The following DLC1 variants were observed in gnomAD, a reference collection of about 807,000 sequenced individuals.
DLC1 encodes the protein DLC1 Rho GTPase activating protein.
In DLC1, 54 loss-of-function variants were observed where a neutral mutation model predicts 140.3. That is an observed-to-expected ratio of 0.38 (90% CI 0.31 to 0.48). The LOEUF is 0.48. DLC1 is among the 20% of genes least tolerant of loss of function. The probability of loss-of-function intolerance (pLI) is 0.96; values close to 1 mark genes in which losing one functional copy is unlikely to be tolerated. For missense variants in DLC1, 2,536 were observed against 1,907.0 expected, an observed-to-expected ratio of 1.33 and a Z score of -6.14; for synonymous variants, 986 against 728.1, an observed-to-expected ratio of 1.35 and a Z score of -5.70.
rs1051139447 is a variant in DLC1 at position 13,348,005 on chromosome 8, C to T, written c.1315-42703G>A. 2.6e-5 allele frequency among the ~76,000 whole-genome samples: 4 copies of T among 152,072 alleles called. 1 individual carries two copies. Among genetic ancestry groups the T allele is most frequent in the East Asian group, 3.9e-4 (2 of 5,172 alleles). ...TTGGGAGGTGGAGGCAGGAGAATGG[C>T]GTGAACCCGGGAGACATAGCTTGCA... is the stretch of plus-strand genomic sequence containing the variant. On this transcript the variant is annotated intron_variant, in intron 4 of 17. Coordinates refer to ENST00000276297, the MANE Select transcript of DLC1 (RefSeq NM_182643.3).
chr8:13,461,308 A>T (rs1049614565), intron 2 of DLC1, among the ~76,000 whole-genome samples: 1 of 152,208 alleles, frequency 6.6e-6, no homozygotes, highest in Non-Finnish European at 1.5e-5. Flanking sequence ...TCTTATGGAG[A>T]TTTCTCCATT....
intron 1 of DLC1, among the ~76,000 whole-genome samples, chr8:13,521,256 G>T (rs1276415598): frequency 6.6e-6 from 1 of 152,064 alleles, no homozygotes; most frequent in Non-Finnish European, 1.5e-5. Context: ...TGTTGGAGGG[G>T]CTTGGGGAGG....
chr8:13,582,878 C>CTATATATATATATA (rs55681527), intron 1 of DLC1, among the ~76,000 whole-genome samples: 21 of 103,084 alleles, frequency 2.0e-4, no homozygotes, highest in South Asian at 3.1e-4. Flanking sequence ...ATACTGTGGT[C>CTATATATATATATA]TATATATATA....
At chr8:13,555,221 T>C (rs1803999673) in intron 1 of DLC1, among the ~76,000 whole-genome samples, 1 of 152,232 alleles carries the variant, frequency 6.6e-6, no homozygotes, top group South Asian at 2.1e-4. Context: ...GCTGCTTATT[T>C]TTCTACATAT....
chr8:13,094,585 G>C (rs1020265869), intron 12 of DLC1, among the ~76,000 whole-genome samples, 174 bp downstream of exon 12: 1 of 152,084 alleles, frequency 6.6e-6, no homozygotes, highest in African/African-American at 2.4e-5. Context: ...AGAATCGCTT[G>C]AACCTGGGAG....
At chr8:13,594,928 T>G (rs1805634555) in intron 1 of DLC1, among the ~76,000 whole-genome samples, 1 of 152,008 alleles carries the variant, frequency 6.6e-6, no homozygotes, top group South Asian at 2.1e-4. Context: ...AAGTTGATGT[T>G]CAATGTGACT....
At chr8:13,579,241 G>GGA (rs1804954290) in intron 1 of DLC1, among the ~76,000 whole-genome samples, 1 of 8,300 alleles carries the variant, frequency 1.2e-4, no homozygotes, top group Admixed American at 2.0e-3. Context: ...TGAGGAACAG[G>GGA]GAGCATATAT....
At chr8:13,200,252 C>T (rs997704010) in intron 5 of DLC1, among the ~76,000 whole-genome samples, 21 of 151,708 alleles carry the variant, frequency 1.4e-4, no homozygotes, top group African/African-American at 3.9e-4. Flanking sequence ...TTAGTAGAGG[C>T]GGGGTTTCAC....
intron 7 of DLC1, among the ~76,000 whole-genome samples, chr8:13,105,486 G>A (rs1327608286): frequency 6.6e-6 from 1 of 152,086 alleles, no homozygotes; most frequent in African/African-American, 2.4e-5. Context: ...AGATTTTACA[G>A]ATGAGGAAAT....
intron 1 of DLC1, among the ~76,000 whole-genome samples, chr8:13,585,602 G>A (rs1236768483): frequency 6.6e-6 from 1 of 152,150 alleles, no homozygotes; most frequent in Non-Finnish European, 1.5e-5. Context: ...TCCGAAGGCT[G>A]GAAGTCCGAA....
chr8:13,294,472 A>G (rs1279645939), intron 5 of DLC1, among the ~76,000 whole-genome samples: 1 of 152,196 alleles, frequency 6.6e-6, no homozygotes, highest in African/African-American at 2.4e-5. Flanking sequence ...AGCAGGAGTT[A>G]TCATAGAAGA....
intron 1 of DLC1, among the ~76,000 whole-genome samples, chr8:13,579,863 A>T (rs36117009): frequency 0.22 from 33,807 of 151,376 alleles, 4,028 homozygotes; most frequent in Non-Finnish European, 0.25. Flanking sequence ...CCCATATATT[A>T]CATGTTGTAT....
intron 15 of DLC1, among the ~76,000 whole-genome samples, chr8:13,089,359 G>T (rs756450531): frequency 1.4e-4 from 22 of 151,898 alleles, no homozygotes; most frequent in Admixed American, 1.0e-3. Context: ...AGGGCATGGT[G>T]GCTCACGCCT....
At chr8:13,581,297 CAG>C in intron 1 of DLC1, among the ~76,000 whole-genome samples, 1 of 152,262 alleles carries the variant, frequency 6.6e-6, no homozygotes, top group African/African-American at 2.4e-5. Context: ...TGACATCATT[CAG>C]AGGAAAAAAC....
chr8:13,147,764 C>T (rs1051652374), intron 5 of DLC1, among the ~76,000 whole-genome samples: 14 of 152,104 alleles, frequency 9.2e-5, no homozygotes, highest in South Asian at 8.3e-4. Context: ...CCTAGGCGGG[C>T]GGATCATGAG....
chr8:13,238,554 C>A (rs545776069), intron 5 of DLC1, among the ~76,000 whole-genome samples: 41 of 144,228 alleles, frequency 2.8e-4, no homozygotes, highest in Non-Finnish European at 5.6e-4. Flanking sequence ...CTCTCAGGAG[C>A]CTTTGCCCTG....
intron 12 of DLC1, among the ~76,000 whole-genome samples, chr8:13,093,967 C>T (rs1003515861): frequency 1.3e-5 from 2 of 152,092 alleles, no homozygotes; most frequent in African/African-American, 2.4e-5. Flanking sequence ...TATTGTTCTC[C>T]CAAGTATTTC....
intron 5 of DLC1, among the ~76,000 whole-genome samples, chr8:13,234,911 A>G (rs1563186496): frequency 6.6e-6 from 1 of 152,136 alleles, no homozygotes; most frequent in Non-Finnish European, 1.5e-5. Context: ...TATTTTAAAA[A>G]GAAACTAAAT....
chr8:13,374,501 C>T (rs1436274875), intron 4 of DLC1, among the ~76,000 whole-genome samples: 2 of 152,106 alleles, frequency 1.3e-5, no homozygotes, highest in Admixed American at 6.6e-5. Flanking sequence ...AATGTCACCC[C>T]AGGCCGGGTA....
Sources: gnomAD v4.1 joint callset for allele counts (sites outside exome capture counted in the v4.1 genomes callset) on GRCh38, gnomAD v4.1.1 for gene constraint, MANE v1.5 for transcripts, NCBI Gene and HGNC (gene_info 2026-07-23, HGNC 2026-07-21) for gene names.